The following COLQ variants were observed in gnomAD, a reference collection of about 807,000 sequenced individuals.
COLQ encodes acetylcholinesterase collagenic tail peptide.
COLQ carries 48 observed loss-of-function variants against 69.0 expected under a neutral mutation model. That is an observed-to-expected ratio of 0.70 (90% CI 0.55 to 0.88). The LOEUF (loss-of-function observed/expected upper bound fraction) is 0.88. Ranked by LOEUF, COLQ falls within the 40% of genes least tolerant of loss-of-function variation. The pLI is 0.00. For missense variants in COLQ, 618 were observed against 594.6 expected, an observed-to-expected ratio of 1.04 and a Z score of -0.41; for synonymous variants, 217 against 211.2, an observed-to-expected ratio of 1.03 and a Z score of -0.24.
At chr3:15,474,323 A>T (rs1430091290) in intron 8 of COLQ, 51 bp from the exon 9 acceptor site, 1 of 1,591,222 alleles carries the variant, frequency 6.3e-7, no homozygotes, top group Middle Eastern at 1.7e-4. Flanking sequence ...CTGGGAGGGA[A>T]ATTCAAGCAT....
At position 15,456,079 on chromosome 3, in the gene COLQ, G is replaced by A; in HGVS notation, c.1075-60C>T. The A allele has an allele frequency of 1.9e-6, 3 of 1,604,792 alleles. No individual in the cohort carries two copies. The South Asian group carries it at 3.3e-5, about 18-fold the overall frequency. ...TGGCATACCCAGGCAGCCGCAGGCA[G>A]GGAGGTCATTGGTTTTGGTCCAAAG... On this transcript the variant is annotated intron_variant, in intron 14 of 16. Coordinates refer to ENST00000383788, the MANE Select transcript of COLQ (RefSeq NM_005677.4).
Position 15,453,923 on chromosome 3 carries a change from G to C in COLQ, c.1204C>G (p.Arg402Gly). The change falls in exon 16 of 17, where the codon CGT (arginine) becomes GGT (glycine). Residue 402 changes from arginine to glycine, a missense_variant. Transcript: ENST00000383788. ...DVGDDCIRCHRAYCGDGHRHE... is the reference protein window; with the variant it reads ...DVGDDCIRCHGAYCGDGHRHE... ...CGGTGACCATCTCCACAGTAGGCAC[G>C]GTGACAGCCTGAGGGGACATAAGGA... 2.5e-6 allele frequency: 4 copies of C among 1,607,060 alleles called. No individual in the cohort carries two copies. The highest frequency in any genetic ancestry group is 2.3e-5 in the East Asian group (1 of 44,406).
intron 5 of COLQ, chr3:15,478,618 CAG>C (rs1231641787): frequency 1.1e-5 from 4 of 368,130 alleles, no homozygotes; most frequent in African/African-American, 6.2e-5. Context: ...TTTAATCAAA[CAG>C]AGAGTGACAG....
chr3:15,470,458 C>T, intron 11 of COLQ, 78 bp downstream of exon 11: 1 of 1,318,870 alleles, frequency 7.6e-7, no homozygotes, highest in Non-Finnish European at 1.1e-6. Flanking sequence ...CTGATTAACG[C>T]CACCTGCCTG....
At chr3:15,507,834 C>T (rs11921725) in intron 1 of COLQ, among the ~76,000 whole-genome samples, 3,473 of 152,202 alleles carry the variant, frequency 0.023, 127 homozygotes, top group African/African-American at 0.076. Flanking sequence ...GCCATTTATA[C>T]TTTTTCCATT....
At chr3:15,509,167 T>C (rs1380379197) in intron 1 of COLQ, among the ~76,000 whole-genome samples, 1 of 152,180 alleles carries the variant, frequency 6.6e-6, no homozygotes, top group East Asian at 1.9e-4. Flanking sequence ...TTTGCTGGCA[T>C]TCCACTTGAA....
chr3:15,510,461 C>A lies in COLQ; in HGVS notation c.106+11059G>T, dbSNP rs1312700896. On this transcript the variant is annotated intron_variant, in intron 1 of 16. Coordinates refer to ENST00000383788, the MANE Select transcript of COLQ (RefSeq NM_005677.4). Reference sequence around the variant, plus strand: ...TAGTGGCTCATGCCTATAATCCCAGCACTTTGGGAAGCCAAGGCAGGTGGA... The same window carrying A: ...TAGTGGCTCATGCCTATAATCCCAGAACTTTGGGAAGCCAAGGCAGGTGGA... 3.4e-5 allele frequency among the ~76,000 whole-genome samples: 5 copies of A among 146,368 alleles called. No individual in the cohort carries two copies. The Admixed American group carries it at 3.5e-4, about 10-fold the overall frequency.
At chr3:15,472,546 T>C (rs1241192430) in intron 10 of COLQ, among the ~76,000 whole-genome samples, 3 of 152,248 alleles carry the variant, frequency 2.0e-5, no homozygotes, top group Non-Finnish European at 4.4e-5. Context: ...AAGAATATGA[T>C]GGTTTGAGAA....
intron 1 of COLQ, among the ~76,000 whole-genome samples, chr3:15,491,963 C>A (rs2655257): frequency 0.14 from 20,965 of 151,270 alleles, 1,968 homozygotes; most frequent in East Asian, 0.44. Flanking sequence ...GAGGCTGAGG[C>A]AGAAGAATTG....
intron 1 of COLQ, chr3:15,506,640 A>G (rs547608187): frequency 6.6e-6 from 1 of 152,248 alleles, no homozygotes; most frequent in Non-Finnish European, 1.5e-5. Flanking sequence ...GCATTTCATT[A>G]TGCTGCCCAG....
At chr3:15,456,682 A>C (rs983160963) in intron 13 of COLQ, 103 bp from the exon 14 acceptor site, 1 of 1,503,732 alleles carries the variant, frequency 6.7e-7, no homozygotes, top group South Asian at 1.2e-5. Context: ...GCTGCTCAAC[A>C]GTGGGAAGAG....
At chr3:15,491,378 C>A (rs948433893) in intron 1 of COLQ, among the ~76,000 whole-genome samples, 10 of 152,194 alleles carry the variant, frequency 6.6e-5, no homozygotes, top group Admixed American at 1.3e-4. Context: ...ACATTGACCA[C>A]CACAGGCTCT....
chr3:15,479,516 G>A, intron 3 of COLQ, 134 bp from the exon 4 acceptor site: 1 of 866,436 alleles, frequency 1.2e-6, no homozygotes, highest in Non-Finnish European at 1.9e-6. Flanking sequence ...AGGGACCCAT[G>A]GAGGCTTTTC....
At chr3:15,462,645 C>T (rs1383982388) in intron 12 of COLQ, among the ~76,000 whole-genome samples, 3 of 152,158 alleles carry the variant, frequency 2.0e-5, no homozygotes, top group African/African-American at 4.8e-5. Flanking sequence ...CTGACTCAGC[C>T]GCCTACCTCG....
At chr3:15,493,903 C>T (rs554493422) in intron 1 of COLQ, among the ~76,000 whole-genome samples, 9 of 152,250 alleles carry the variant, frequency 5.9e-5, no homozygotes, top group South Asian at 2.1e-4. Context: ...GACCAAATGG[C>T]GAAACCCCGT....
At chr3:15,455,340 T>A (rs1228840884) in intron 15 of COLQ, among the ~76,000 whole-genome samples, 3 of 150,388 alleles carry the variant, frequency 2.0e-5, no homozygotes, top group Non-Finnish European at 4.5e-5. Flanking sequence ...ACCTCCTGGT[T>A]TTGTTACTTG....
chr3:15,500,841 C>T (rs1355220959), intron 1 of COLQ, among the ~76,000 whole-genome samples: 1 of 152,202 alleles, frequency 6.6e-6, no homozygotes, highest in Non-Finnish European at 1.5e-5. Flanking sequence ...GTGTGCCAGC[C>T]TGGGATTAAG....
intron 1 of COLQ, among the ~76,000 whole-genome samples, chr3:15,491,286 T>C (rs924552022): frequency 1.3e-5 from 2 of 152,218 alleles, no homozygotes; most frequent in Non-Finnish European, 2.9e-5. Flanking sequence ...GCTATGGTTT[T>C]TCAGTTCTCA....
At chr3:15,492,545 T>C (rs935485241) in intron 1 of COLQ, among the ~76,000 whole-genome samples, 5 of 151,968 alleles carry the variant, frequency 3.3e-5, no homozygotes, top group African/African-American at 9.7e-5. Context: ...TGGGCGCCTG[T>C]AGTCCCACCT....
Sources: allele counts gnomAD v4.1 joint callset (sites outside exome capture counted in the v4.1 genomes callset), GRCh38; gene constraint gnomAD v4.1.1; transcripts MANE v1.5; gene names NCBI Gene and HGNC (gene_info 2026-07-23, HGNC 2026-07-21).